The following ERCC1 variants were observed in gnomAD, a reference collection of about 807,000 sequenced individuals.
ERCC1 encodes DNA excision repair protein ERCC-1.
A neutral mutation model predicts 37.6 loss-of-function variants in ERCC1; 36 were observed. The observed-to-expected ratio is 0.96, with a 90% CI of 0.73 to 1.26. ERCC1 has a LOEUF of 1.26. Among genes scored for constraint, ERCC1 ranks in the 50% most tolerant of loss-of-function variants. The probability of loss-of-function intolerance (pLI) is 0.00; values close to 1 mark genes in which losing one functional copy is unlikely to be tolerated. For synonymous variants in ERCC1, 156 were observed against 162.1 expected (o/e 0.96, Z 0.28); for missense variants, 349 against 376.5 (o/e 0.93, Z 0.60).
At chr19:45,435,848 C>A (rs2123587013) in intron 1 of ERCC1, among the ~76,000 whole-genome samples, 2 of 152,210 alleles carry the variant, frequency 1.3e-5, no homozygotes, top group South Asian at 4.1e-4. Context: ...GCAACCTCTG[C>A]CTCCCGGATT....
upstream of ERCC1, among the ~76,000 whole-genome samples, chr19:45,428,112 C>G (rs536627138): frequency 8.6e-6 from 1 of 116,304 alleles, no homozygotes. Context: ...GAGACGGAGT[C>G]TCTCTCTGTC....
At chr19:45,447,824 A>G (rs1489239241) in intron 1 of ERCC1, among the ~76,000 whole-genome samples, 1 of 151,134 alleles carries the variant, frequency 6.6e-6, no homozygotes, top group Non-Finnish European at 1.5e-5. Context: ...GCTCAGAATC[A>G]CCTGGGGAGT....
intron 1 of ERCC1, among the ~76,000 whole-genome samples, chr19:45,437,620 A>G (rs537503186): frequency 3.3e-5 from 5 of 152,328 alleles, no homozygotes; most frequent in South Asian, 2.1e-4. Flanking sequence ...CAAACACCAC[A>G]TGATCCCACT....
At chr19:45,432,214 C>T (rs1974851917) in intron 1 of ERCC1, among the ~76,000 whole-genome samples, 1 of 151,904 alleles carries the variant, frequency 6.6e-6, no homozygotes, top group East Asian at 1.9e-4. Context: ...TCATGATCCA[C>T]CCGCCTTGGC....
Position 45,409,023 on chromosome 19 carries a change from C to G in ERCC1, c.*652G>C. 1 of 1,614,040 alleles carries G rather than the reference C, an allele frequency of 6.2e-7. No individual in the cohort carries two copies. Among genetic ancestry groups the G allele is most frequent in the South Asian group, 1.1e-5 (1 of 91,074 alleles). Reference sequence around the variant, plus strand: ...ACGGAGGCGATGGAGCCAGTGGAGCCGGAGATGAAGCCTCTGGAGTCCCCA... The same window carrying G: ...ACGGAGGCGATGGAGCCAGTGGAGCGGGAGATGAAGCCTCTGGAGTCCCCA... On this transcript the variant is annotated 3_prime_UTR_variant, in exon 10 of 10. Coordinates refer to ENST00000300853, the MANE Select transcript of ERCC1 (RefSeq NM_001983.4).
chr19:45,426,232 A>G (rs1238850784), upstream of ERCC1, among the ~76,000 whole-genome samples: 1 of 151,978 alleles, frequency 6.6e-6, no homozygotes, highest in African/African-American at 2.4e-5. Flanking sequence ...TACTAAAATT[A>G]GTTGGGCGTG....
upstream of ERCC1, among the ~76,000 whole-genome samples, chr19:45,427,521 G>A (rs8109928): frequency 0.54 from 82,121 of 151,906 alleles, 25,873 homozygotes; most frequent in African/African-American, 0.86. Flanking sequence ...AGGCTGAGAC[G>A]GAGAATTGCT....
intron 2 of ERCC1, among the ~76,000 whole-genome samples, chr19:45,422,118 C>T (rs1468167955): frequency 6.6e-6 from 1 of 152,094 alleles, no homozygotes; most frequent in Non-Finnish European, 1.5e-5. Flanking sequence ...CCCACACCCT[C>T]GCCCCCTGGA....
intron 2 of ERCC1, 148 bp downstream of exon 2, chr19:45,423,122 G>T: frequency 1.4e-6 from 1 of 720,588 alleles, no homozygotes; most frequent in South Asian, 1.8e-5. Context: ...GGGGAAACTG[G>T]GACCTGGGGA....
chr19:45,433,887 C>A (rs1974898650), intron 1 of ERCC1, among the ~76,000 whole-genome samples: 1 of 151,732 alleles, frequency 6.6e-6, no homozygotes. Flanking sequence ...AATCCCAGCA[C>A]TTTGGGAGGC....
At chr19:45,411,487 G>A (rs1378105584) in intron 9 of ERCC1, among the ~76,000 whole-genome samples, 1 of 129,648 alleles carries the variant, frequency 7.7e-6, no homozygotes, top group Non-Finnish European at 1.6e-5. Flanking sequence ...GTTATTGCCT[G>A]TCCTTTGGAT....
intron 6 of ERCC1, chr19:45,415,684 T>C (rs1974029471): frequency 1.7e-5 from 6 of 359,356 alleles, no homozygotes; most frequent in Non-Finnish European, 3.2e-5. Context: ...AAAATCAAAA[T>C]TCCAGCCCAT....
At chr19:45,442,233 T>G (rs2123606537) in intron 1 of ERCC1, among the ~76,000 whole-genome samples, 1 of 150,634 alleles carries the variant, frequency 6.6e-6, no homozygotes, top group Admixed American at 6.6e-5. Flanking sequence ...GGTGGGAGGA[T>G]CGGTTGAGCC....
At chr19:45,439,925 T>C (rs1459608970) in intron 1 of ERCC1, among the ~76,000 whole-genome samples, 2 of 151,960 alleles carry the variant, frequency 1.3e-5, no homozygotes, top group South Asian at 4.1e-4. Flanking sequence ...TTACCCCAGC[T>C]CCGCTAAAAA....
intron 9 of ERCC1, among the ~76,000 whole-genome samples, chr19:45,411,841 T>C (rs1973756785): frequency 7.0e-6 from 1 of 142,468 alleles, no homozygotes; most frequent in African/African-American, 2.8e-5. Context: ...GGTATCTCAT[T>C]ATAGTTTATT....
rs1974372889 is a variant in ERCC1, at chr19:45,420,833, GA to G, written c.321+344del. On this transcript the variant is annotated intron_variant, in intron 3 of 9. Transcript: ENST00000300853. This position sits in a 1 kb window ranked among gnomAD's most constrained non-coding sequence, Gnocchi z 4.8. Reference sequence around the variant, plus strand: ...AGATGGGGTGTCACCATATTCGCCAGACTGGTCTCGAACTCCTGACCTCAGG... The same window carrying G: ...AGATGGGGTGTCACCATATTCGCCAGCTGGTCTCGAACTCCTGACCTCAGG... Among the ~76,000 whole-genome samples the G allele has an allele frequency of 9.2e-5, 14 of 152,122 alleles. No homozygotes were observed. The highest frequency in any genetic ancestry group is 2.6e-4 in the Admixed American group (4 of 15,248).
At chr19:45,427,348 G>A (rs10084146), upstream of ERCC1, among the ~76,000 whole-genome samples, 16,156 of 152,116 alleles carry the variant, frequency 0.11, 2,848 homozygotes, top group African/African-American at 0.37. Context: ...AGTGGCTCAC[G>A]CCTGTAATCT....
rs1351491358 is a variant in ERCC1, at chr19:45,444,832, T to C, written c.-7-21451A>G. ...ATCCATCTTTAGTCCTCAGGACCTT[T>C]GCACTCAGTTCGAGGGACTTCCCCT... On this transcript the variant is annotated intron_variant, in intron 1 of 8. Transcript: ENST00000423698. Among the ~76,000 whole-genome samples, 6 of 152,202 alleles carry C rather than the reference T, an allele frequency of 3.9e-5. No homozygotes were observed. The East Asian group carries it at 1.2e-3, about 29-fold the overall frequency.
chr19:45,443,548 C>G (rs763736680), intron 1 of ERCC1, among the ~76,000 whole-genome samples: 4 of 152,168 alleles, frequency 2.6e-5, no homozygotes, highest in Non-Finnish European at 5.9e-5. Flanking sequence ...CCCAGGATCC[C>G]GACCCAGGCG....
Sources: allele counts gnomAD v4.1 joint callset (sites outside exome capture counted in the v4.1 genomes callset), GRCh38; gene constraint gnomAD v4.1.1; non-coding constraint Gnocchi (gnomAD v3.1); transcripts MANE v1.5; gene names NCBI Gene and HGNC (gene_info 2026-07-23, HGNC 2026-07-21).